CFHR1: variants seen among roughly 807,000 people sequenced by gnomAD.
CFHR1 encodes the protein complement factor H-related protein 1.
In CFHR1, 22 loss-of-function variants were observed where a neutral mutation model predicts 30.4. That is an observed-to-expected ratio of 0.72 (90% CI 0.52 to 1.03). CFHR1 has a LOEUF of 1.03. Ranked by LOEUF, CFHR1 falls within the 50% of genes least tolerant of loss-of-function variation. CFHR1 has a pLI of 0.00. For missense variants in CFHR1, 248 were observed against 380.6 expected (o/e 0.65, Z 2.90); for synonymous variants, 95 against 129.1 (o/e 0.74, Z 1.79).
rs776912538 is a variant in CFHR1, at chr1:196,829,575, A to T, written c.608-925A>T. 3.0e-5 allele frequency among the ~76,000 whole-genome samples: 4 copies of T among 134,666 alleles called. 1 individual carries two copies. Among genetic ancestry groups the T allele is most frequent in the Non-Finnish European group, 6.2e-5 (4 of 64,080 alleles). 88.3% of individuals were successfully genotyped at this position (134,666 alleles called of 152,430 possible). ...ATATTTACCCCTTTACTTGTAAAAGATCGTGTCACTGGATATCAAATTTGG... is the reference window on the plus strand; with the variant it reads ...ATATTTACCCCTTTACTTGTAAAAGTTCGTGTCACTGGATATCAAATTTGG... On this transcript the variant is annotated intron_variant, in intron 4 of 5. Coordinates refer to ENST00000320493, the MANE Select transcript of CFHR1 (RefSeq NM_002113.3).
intron 4 of CFHR1, among the ~76,000 whole-genome samples, chr1:196,828,709 C>T (rs1655432449): frequency 1.5e-5 from 2 of 132,240 alleles, no homozygotes; most frequent in Non-Finnish European, 3.2e-5. Context: ...CTGGGTCATT[C>T]TAATAAATAG....
chr1:196,825,506 CA>C lies in CFHR1; in HGVS notation c.89del (p.His30LeufsTer41), dbSNP rs1485917038. 5 of 1,514,910 alleles carry C rather than the reference CA, an allele frequency of 3.3e-6. 1 individual carries two copies. In the South Asian group the frequency reaches 6.3e-5, roughly 19 times the overall value. 93.8% of individuals were successfully genotyped at this position (1,514,910 alleles called of 1,614,324 possible). The part of the protein sequence containing the change: ...ATFCDFPKIN[H>X]GILYDEEKYK... ...ATTTTGTGATTTTCCAAAAATAAAC[CA>C]TGGAATTCTATATGATGAAGAAAAA... On this transcript the variant is annotated frameshift_variant, in exon 2 of 6. Transcript: ENST00000320493. LOFTEE classifies it high-confidence loss of function.
chr1:196,824,609 G>A (rs1176597377), intron 1 of CFHR1, among the ~76,000 whole-genome samples: 1 of 130,772 alleles, frequency 7.6e-6, no homozygotes, highest in Non-Finnish European at 1.6e-5. Flanking sequence ...CTAATACAAT[G>A]TAAATGCTGT....
rs576996003 is a variant in CFHR1 at position 196,825,729 on chromosome 1, C to A, written c.253+58C>A. On this transcript the variant is annotated intron_variant, in intron 2 of 5. Transcript: ENST00000320493. ...CATTCAGTGAATAGAGAAGGATATG[C>A]CAGACAAGATCATAAGGTCTTGATA... 4.5e-4 allele frequency: 640 copies of A among 1,415,696 alleles called. 90 individuals carry two copies. The highest frequency in any genetic ancestry group is 2.6e-3 in the Admixed American group (150 of 56,808). The allele number at this position is 1,415,696 out of a possible 1,614,324, so 87.7% of individuals were successfully genotyped here. A position where few individuals can be genotyped will look rare whatever the true frequency, so the allele number is the denominator to read the frequency against.
At chr1:196,827,109 CT>C in intron 3 of CFHR1, 104 bp downstream of exon 3, 1 of 1,209,212 alleles carries the variant, frequency 8.3e-7, no homozygotes, top group Non-Finnish European at 1.2e-6. Flanking sequence ...ATACTTTTAT[CT>C]TTATTCATTT....
intron 4 of CFHR1, among the ~76,000 whole-genome samples, chr1:196,830,220 G>T (rs1357054183): frequency 7.4e-6 from 1 of 135,242 alleles, no homozygotes; most frequent in Non-Finnish European, 1.6e-5. Context: ...AGTTTTCTAT[G>T]TTTAGCATGT....
At chr1:196,827,127 C>CCA in intron 3 of CFHR1, 122 bp downstream of exon 3, 1 of 1,085,348 alleles carries the variant, frequency 9.2e-7, no homozygotes, top group Non-Finnish European at 1.3e-6. Flanking sequence ...ATTTGATTTT[C>CCA]AGTTCCAATT....
In CFHR1 at chr1:196,824,403, G is replaced by A. The variant is rs1336068627; in HGVS notation, c.59-1074G>A. On this transcript the variant is annotated intron_variant, in intron 1 of 5. Transcript: ENST00000320493. ...CTCCCAGGTAGCTGGGATCACAGGC[G>A]TGCACCACCACACCTGGCTAATTTT... Among the ~76,000 whole-genome samples, 9 of 131,550 alleles carry A rather than the reference G, an allele frequency of 6.8e-5. 3 individuals are homozygous for A. Among genetic ancestry groups the A allele is most frequent in the African/African-American group, 2.3e-4 (7 of 30,004 alleles). 86.3% of individuals were successfully genotyped at this position (131,550 alleles called of 152,430 possible).
Position 196,831,605 on chromosome 1 carries a change from A to T in CFHR1, c.791-192A>T, listed in dbSNP as rs397832235. ...CCCCTAATTCTCATACATTAAACATAAAACCTCATTTTCACATCGATTACC... is the reference window on the plus strand; with the variant it reads ...CCCCTAATTCTCATACATTAAACATTAAACCTCATTTTCACATCGATTACC... On this transcript the variant is annotated intron_variant, in intron 5 of 5. Transcript: ENST00000320493. Among the ~76,000 whole-genome samples the T allele has an allele frequency of 2.2e-5, 3 of 134,580 alleles. 1 individual carries two copies. In the South Asian group the frequency reaches 7.6e-4, roughly 34 times the overall value. 88.3% of individuals were successfully genotyped at this position (134,580 alleles called of 152,430 possible).
chr1:196,829,595 A>G (rs1655465882), intron 4 of CFHR1, among the ~76,000 whole-genome samples: 1 of 134,920 alleles, frequency 7.4e-6, no homozygotes, highest in Non-Finnish European at 1.6e-5. Flanking sequence ...TGGATATCAA[A>G]TTTGGAGTTG....
At chr1:196,827,079 T>C in intron 3 of CFHR1, 74 bp downstream of exon 3, 1 of 1,375,062 alleles carries the variant, frequency 7.3e-7, no homozygotes, top group Non-Finnish European at 1.0e-6. Flanking sequence ...TTTTTACAGG[T>C]TAAATATAGG....
At chr1:196,827,193 C>T (rs982575306) in intron 3 of CFHR1, among the ~76,000 whole-genome samples, 188 bp downstream of exon 3, 1 of 135,682 alleles carries the variant, frequency 7.4e-6, no homozygotes, top group Non-Finnish European at 1.6e-5. Context: ...ATCAAATGTT[C>T]TCAAAGTGTG....
chr1:196,828,293 T>C (rs1193215939), intron 4 of CFHR1, 47 bp downstream of exon 4: 5 of 1,147,122 alleles, frequency 4.4e-6, no homozygotes, highest in Non-Finnish European at 5.9e-6. Context: ...TATAGCAGGG[T>C]TAAAATATGT....
rs3179562 is a variant in CFHR1 at position 196,832,178 on chromosome 1, T to C, written c.*179T>C. ...CTTCTTAAAAGCACCATATTAAAAC[T>C]TGGAAAACTAACTGTTGTGTCCAGT... On this transcript the variant is annotated 3_prime_UTR_variant, in exon 6 of 6. Transcript: ENST00000320493. 3.0e-5 allele frequency: 21 copies of C among 696,706 alleles called. No homozygotes were observed. Among genetic ancestry groups the C allele is most frequent in the African/African-American group, 1.2e-4 (5 of 41,646 alleles). The allele number at this position is 696,706 out of a possible 1,614,324, so 43.2% of individuals were successfully genotyped here. A position where few individuals can be genotyped will look rare whatever the true frequency, so the allele number is the denominator to read the frequency against.
At chr1:196,827,129 G>A in intron 3 of CFHR1, 124 bp downstream of exon 3, 2 of 1,062,846 alleles carry the variant, frequency 1.9e-6, no homozygotes, top group Non-Finnish European at 2.7e-6. Context: ...TTGATTTTCA[G>A]TTCCAATTGT....
chr1:196,826,783 T>C lies in CFHR1; in HGVS notation c.254-46T>C, dbSNP rs753986432. 6 of 1,436,956 alleles carry C rather than the reference T, an allele frequency of 4.2e-6. 1 individual carries two copies. In the Admixed American group the frequency reaches 1.0e-4, roughly 25 times the overall value. 89.0% of individuals were successfully genotyped at this position (1,436,956 alleles called of 1,614,324 possible). A position where few individuals can be genotyped will look rare whatever the true frequency, so the allele number is the denominator to read the frequency against. ...TATTTTAAAATGCAGTTGTACTTTT[T>C]CTTTGCTACTTCCATCTTGTACATT... On this transcript the variant is annotated intron_variant, in intron 2 of 5. Transcript: ENST00000320493.
rs1353591011 is a variant in CFHR1, at chr1:196,824,057, T to C, written c.59-1420T>C. 2.2e-5 allele frequency among the ~76,000 whole-genome samples: 3 copies of C among 134,122 alleles called. 1 individual carries two copies. The highest frequency in any genetic ancestry group is 1.4e-4 in the Admixed American group (2 of 13,860). The allele number at this position is 134,122 out of a possible 152,430, so 88.0% of individuals were successfully genotyped here. ...ATTTCACCCATTTTCTACATTGTTT[T>C]AATATATCTTGCACCATAGTGTGTA... On this transcript the variant is annotated intron_variant, in intron 1 of 5. Transcript: ENST00000320493.
rs1655585081 is a variant in CFHR1, at chr1:196,832,014, T to G, written c.*15T>G. 8 of 1,513,094 alleles carry G rather than the reference T, an allele frequency of 5.3e-6. 2 individuals are homozygous for G. Among genetic ancestry groups the G allele is most frequent in the Non-Finnish European group, 7.2e-6 (8 of 1,118,178 alleles). 93.7% of individuals were successfully genotyped at this position (1,513,094 alleles called of 1,614,324 possible). On this transcript the variant is annotated 3_prime_UTR_variant, in exon 6 of 6. Transcript: ENST00000320493. ...CAAAAAGATAGAATCAATCATAAAA[T>G]GCACACCTTTATTCAGAACTTTAGT... is the stretch of plus-strand genomic sequence containing the variant.
At chr1:196,821,902 C>T (rs1406561210) in intron 1 of CFHR1, among the ~76,000 whole-genome samples, 5 of 114,998 alleles carry the variant, frequency 4.3e-5, no homozygotes. Context: ...GGTAACTAGG[C>T]CATATGGTAT....
Sources: allele counts gnomAD v4.1 joint callset (sites outside exome capture counted in the v4.1 genomes callset), GRCh38; gene constraint gnomAD v4.1.1; transcripts MANE v1.5; gene names NCBI Gene and HGNC (gene_info 2026-07-23, HGNC 2026-07-21).